CACNA1H: variants seen among roughly 807,000 people sequenced by gnomAD.
CACNA1H encodes calcium voltage-gated channel subunit alpha1 H.
A neutral mutation model predicts 192.5 loss-of-function variants in CACNA1H; 149 were observed. The observed-to-expected ratio is 0.77, with a 90% CI of 0.68 to 0.89. The LOEUF is 0.89. Ranked by LOEUF, CACNA1H falls within the 40% of genes least tolerant of loss-of-function variation. The probability of loss-of-function intolerance (pLI) is 0.00; values close to 1 mark genes in which losing one functional copy is unlikely to be tolerated. For missense variants in CACNA1H, 4,257 were observed against 3,423.5 expected (o/e 1.24, Z -6.08); for synonymous variants, 2,202 against 1,475.2 (o/e 1.49, Z -11.29).
chr16:1,166,540 C>T (rs1184682458), intron 2 of CACNA1H, among the ~76,000 whole-genome samples: 1 of 152,210 alleles, frequency 6.6e-6, no homozygotes, highest in African/African-American at 2.4e-5. Context: ...CCTGTATCCT[C>T]GCGGTGGTGC....
At chr16:1,184,657 G>A (rs1160416316) in intron 2 of CACNA1H, among the ~76,000 whole-genome samples, 2 of 152,246 alleles carry the variant, frequency 1.3e-5, no homozygotes, top group Non-Finnish European at 2.9e-5. Flanking sequence ...TGGGTCTGGG[G>A]CATGTGAGGG....
chr16:1,169,919 C>T (rs547219957), intron 2 of CACNA1H, among the ~76,000 whole-genome samples: 4 of 152,246 alleles, frequency 2.6e-5, no homozygotes, highest in African/African-American at 7.2e-5. Flanking sequence ...TGGAGCTGGG[C>T]GGCTGGGGTG....
chr16:1,215,074 A>C lies in CACNA1H; in HGVS notation c.5032A>C (p.Lys1678Gln). 1 of 1,611,470 alleles carries C rather than the reference A, an allele frequency of 6.2e-7. No homozygotes were observed. Among genetic ancestry groups the C allele is most frequent in the Non-Finnish European group, 8.5e-7 (1 of 1,178,790 alleles). ...AGCATTTGGGTTCCGTCGGTTCTTC[A>C]AGGACAGGTGTGTGTGGTGGGGCCG... ...LVAFGFRRFF[K>Q]DRWNQLDLAI... Residue 1678 changes from lysine (K) to glutamine (Q), a missense_variant, in exon 28 of 35, where the codon AAG becomes CAG. Lys to Gln is a moderately conservative substitution (Grantham distance 53, BLOSUM62 1). Coordinates refer to ENST00000348261, the MANE Select transcript of CACNA1H (RefSeq NM_021098.3).
At chr16:1,175,596 C>G (rs1964801462) in intron 2 of CACNA1H, among the ~76,000 whole-genome samples, 2 of 152,234 alleles carry the variant, frequency 1.3e-5, no homozygotes. Context: ...GCCGTGCCCA[C>G]TGCTGACAGC....
chr16:1,165,215 A>G (rs1963635813), intron 2 of CACNA1H, among the ~76,000 whole-genome samples: 5 of 152,120 alleles, frequency 3.3e-5, no homozygotes, highest in Admixed American at 3.3e-4. Flanking sequence ...CAGAGAGCAC[A>G]CGAGGCACAG....
intron 2 of CACNA1H, among the ~76,000 whole-genome samples, chr16:1,154,733 G>A (rs1397924331): frequency 1.3e-5 from 2 of 152,206 alleles, no homozygotes; most frequent in Admixed American, 1.3e-4. Context: ...GAGAGGAAGA[G>A]GCAGCCTCTT....
In CACNA1H at chr16:1,201,910, G is replaced by C. The variant is rs545918011; in HGVS notation, c.1460G>C (p.Arg487Pro). Residue 487 changes from arginine (R) to proline (P), a missense_variant, in exon 9 of 35, where the codon CGC (arginine) becomes CCC (proline). By Grantham distance (103) the Arg-to-Pro change is moderately radical (BLOSUM62 -2). Transcript: ENST00000348261. ...TACGCCCGCTGGCAGAGCCGCTGGC[G>C]CAAGAAGGTGGACCCCAGTGCTGTG... is the stretch of plus-strand genomic sequence containing the variant. Reference protein sequence around the residue: ...RLYARWQSRWRKKVDPSAVQG... With the variant: ...RLYARWQSRWPKKVDPSAVQG... 1.3e-6 allele frequency: 2 copies of C among 1,550,318 alleles called. No individual in the cohort carries two copies. The highest frequency in any genetic ancestry group is 1.7e-6 in the Non-Finnish European group (2 of 1,147,016).
intron 2 of CACNA1H, among the ~76,000 whole-genome samples, chr16:1,170,703 G>A (rs980546518): frequency 1.3e-5 from 2 of 152,142 alleles, no homozygotes; most frequent in African/African-American, 4.8e-5. Context: ...CAGGGATTTC[G>A]GGGTGAGGGA....
intron 2 of CACNA1H, among the ~76,000 whole-genome samples, chr16:1,187,305 G>A (rs529428989): frequency 6.6e-6 from 1 of 152,352 alleles, no homozygotes; most frequent in East Asian, 1.9e-4. Context: ...GGAGGGGTTT[G>A]CCCAGCCAGG....
In CACNA1H at chr16:1,207,811, G is replaced by T. The variant is rs760042669; in HGVS notation, c.3105G>T (p.Ser1035=). The T allele has an allele frequency of 1.2e-6, 2 of 1,602,962 alleles. No individual in the cohort carries two copies. Among genetic ancestry groups the T allele is most frequent in the South Asian group, 1.1e-5 (1 of 88,960 alleles). The change falls in exon 15 of 35, where the codon TCG becomes TCT. Residue 1035 remains serine, a synonymous_variant. Transcript: ENST00000348261. ...NRSDTDEDKT[S]VHFEEDFHKL... Reference sequence around the variant, plus strand: ...CCGACACGGACGAGGACAAGACGTCGGTCCACTTCGAGGAGGACTTCCACA... The same window carrying T: ...CCGACACGGACGAGGACAAGACGTCTGTCCACTTCGAGGAGGACTTCCACA...
intron 2 of CACNA1H, among the ~76,000 whole-genome samples, chr16:1,172,193 C>T (rs770721769): frequency 6.6e-6 from 1 of 152,180 alleles, no homozygotes; most frequent in Non-Finnish European, 1.5e-5. Flanking sequence ...TGCCTCGATC[C>T]GGCTGGCCCA....
At chr16:1,212,237 C>T in intron 25 of CACNA1H, 99 bp downstream of exon 25, 1 of 1,445,596 alleles carries the variant, frequency 6.9e-7, no homozygotes, top group Non-Finnish European at 9.2e-7. Flanking sequence ...CCCCGAATGG[C>T]TCTGCACGCC....
chr16:1,195,880 C>A, intron 4 of CACNA1H, 46 bp from the exon 5 acceptor site: 1 of 1,470,346 alleles, frequency 6.8e-7, no homozygotes, highest in Non-Finnish European at 9.5e-7. Context: ...CACCCTGGAC[C>A]ACCTGGGCTC....
intron 9 of CACNA1H, among the ~76,000 whole-genome samples, chr16:1,202,866 C>T (rs1031856066): frequency 4.6e-5 from 7 of 152,090 alleles, no homozygotes; most frequent in South Asian, 2.1e-4. Context: ...TAGGTGGGGA[C>T]GCTGAGTGGG....
chr16:1,193,282 G>A (rs558228242), intron 2 of CACNA1H, among the ~76,000 whole-genome samples: 2 of 152,370 alleles, frequency 1.3e-5, no homozygotes, highest in Non-Finnish European at 2.9e-5. Flanking sequence ...AGGGGACAAA[G>A]GTGCCCGAGG....
chr16:1,175,484 G>A (rs1309494418), intron 2 of CACNA1H, among the ~76,000 whole-genome samples: 2 of 152,008 alleles, frequency 1.3e-5, no homozygotes, highest in Non-Finnish European at 2.9e-5. Flanking sequence ...GGCCTGGGCT[G>A]GATGCACCCC....
chr16:1,187,786 C>T (rs934885941), intron 2 of CACNA1H, among the ~76,000 whole-genome samples: 2 of 152,228 alleles, frequency 1.3e-5, no homozygotes, highest in Non-Finnish European at 2.9e-5. Context: ...ACAGTCCCCT[C>T]CCTGGTGGTC....
chr16:1,212,270 TG>T, intron 25 of CACNA1H, 132 bp downstream of exon 25: 1 of 1,348,896 alleles, frequency 7.4e-7, no homozygotes, highest in Non-Finnish European at 9.9e-7. Context: ...TGGGCCTGCA[TG>T]GGGGCTGGGC....
chr16:1,215,604 C>G lies in CACNA1H; in HGVS notation c.5244+11C>G. The stretch of plus-strand genomic sequence containing the variant: ...CAAGCTCTCCCCCAGGTAGGTGGAG[C>G]CCGCGCCATCCTCAGCGCAGGCCCC... On this transcript the variant is annotated intron_variant, in intron 30 of 34. Coordinates refer to ENST00000348261, the MANE Select transcript of CACNA1H (RefSeq NM_021098.3). The G allele has an allele frequency of 1.2e-6, 2 of 1,606,414 alleles. No individual in the cohort carries two copies. The highest frequency in any genetic ancestry group is 1.1e-5 in the South Asian group (1 of 89,832).
Sources: allele counts gnomAD v4.1 joint callset (sites outside exome capture counted in the v4.1 genomes callset), GRCh38; gene constraint gnomAD v4.1.1; transcripts MANE v1.5; gene names NCBI Gene and HGNC (gene_info 2026-07-23, HGNC 2026-07-21).